The following AKAP13 variants were observed in gnomAD, a reference collection of about 807,000 sequenced individuals.
AKAP13 encodes the protein A-kinase anchor protein 13.
Under a neutral mutation model 264.5 loss-of-function variants are expected in AKAP13, and 80 were observed. That is an observed-to-expected ratio of 0.30 (90% CI 0.25 to 0.36). The LOEUF (loss-of-function observed/expected upper bound fraction) is 0.36. Ranked by LOEUF, AKAP13 falls within the 10% of genes least tolerant of loss-of-function variation. AKAP13 has a pLI of 1.00. For synonymous variants in AKAP13, 1,380 were observed against 1,250.2 expected, an observed-to-expected ratio of 1.10 and a Z score of -2.19; for missense variants, 3,712 against 3,435.2, an observed-to-expected ratio of 1.08 and a Z score of -2.01.
intron 6 of AKAP13, chr15:85,577,742 A>G (rs1359470914): frequency 1.1e-6 from 1 of 884,660 alleles, no homozygotes; most frequent in Non-Finnish European, 1.4e-6. Context: ...TATATTTAAT[A>G]TGTTCTGATT....
chr15:85,472,539 G>A (rs1192891255), intron 1 of AKAP13, among the ~76,000 whole-genome samples: 3 of 152,138 alleles, frequency 2.0e-5, no homozygotes, highest in Admixed American at 6.5e-5. Context: ...ATCTTGCTAC[G>A]TTGCCCAGGC....
At chr15:85,445,557 A>T (rs546816579) in intron 1 of AKAP13, among the ~76,000 whole-genome samples, 1 of 152,232 alleles carries the variant, frequency 6.6e-6, no homozygotes, top group East Asian at 1.9e-4. Flanking sequence ...AGTAGTTTAT[A>T]TGACAGCGTG....
intron 32 of AKAP13, 146 bp from the exon 33 acceptor site, chr15:85,735,944 A>T: frequency 1.3e-6 from 1 of 749,838 alleles, no homozygotes; most frequent in Non-Finnish European, 2.3e-6. Context: ...TATCAGTGAT[A>T]AATAGTTCAA....
chr15:85,730,355 T>C (rs2087914021), intron 29 of AKAP13, 158 bp from the exon 30 acceptor site: 1 of 211,126 alleles, frequency 4.7e-6, no homozygotes, highest in East Asian at 1.8e-4. Context: ...ACAGAAACAA[T>C]ATTGCTGTCT....
At chr15:85,431,336 C>T (rs1041687660) in intron 1 of AKAP13, among the ~76,000 whole-genome samples, 6 of 152,290 alleles carry the variant, frequency 3.9e-5, no homozygotes, top group African/African-American at 1.4e-4. Flanking sequence ...TACATTCATA[C>T]CTTAGCTCTT....
chr15:85,707,539 C>A (rs1039853596), intron 17 of AKAP13, among the ~76,000 whole-genome samples: 1 of 152,182 alleles, frequency 6.6e-6, no homozygotes, highest in African/African-American at 2.4e-5. Flanking sequence ...AATTTTGTAA[C>A]CCCTGTTAGG....
intron 17 of AKAP13, among the ~76,000 whole-genome samples, chr15:85,701,571 C>G (rs1360634659): frequency 6.6e-6 from 1 of 152,022 alleles, no homozygotes; most frequent in African/African-American, 2.4e-5. Context: ...TCCCAAGTAG[C>G]TGGGACTACA....
In AKAP13 at chr15:85,748,869, C is replaced by A. The variant is rs1030934366; in HGVS notation, c.*4192C>A. On this transcript the variant is annotated 3_prime_UTR_variant, in exon 37 of 37. Coordinates refer to ENST00000394518, the MANE Select transcript of AKAP13 (RefSeq NM_007200.5). The stretch of plus-strand genomic sequence containing the variant: ...TCCGGAGGGGCTTCTGCAGGAAGCA[C>A]TCACCCCCCACACCTTCCCCGGCCT... 6 of 152,538 alleles carry A rather than the reference C, an allele frequency of 3.9e-5. No homozygotes were observed. In the East Asian group the frequency reaches 1.2e-3, roughly 29 times the overall value. The allele number at this position is 152,538 out of a possible 1,614,324, so 9.4% of individuals were successfully genotyped here.
At chr15:85,396,675 G>T (rs994564621) in intron 1 of AKAP13, among the ~76,000 whole-genome samples, 2 of 152,080 alleles carry the variant, frequency 1.3e-5, no homozygotes, top group Non-Finnish European at 2.9e-5. Flanking sequence ...GTAAAACAAG[G>T]CACGATAGGT....
intron 2 of AKAP13, among the ~76,000 whole-genome samples, chr15:85,510,691 C>G (rs1376435431): frequency 6.6e-6 from 1 of 152,112 alleles, no homozygotes; most frequent in Non-Finnish European, 1.5e-5. Context: ...TTGTATCATC[C>G]TGAAAGGCTT....
intron 8 of AKAP13, among the ~76,000 whole-genome samples, chr15:85,631,353 G>GTAC (rs2081795062): frequency 6.6e-6 from 1 of 152,108 alleles, no homozygotes; most frequent in Non-Finnish European, 1.5e-5. Context: ...AAATTACATA[G>GTAC]TGGTGATGGT....
chr15:85,399,514 A>AAAAAT (rs2071296751), intron 1 of AKAP13, among the ~76,000 whole-genome samples: 27 of 104,970 alleles, frequency 2.6e-4, no homozygotes, highest in African/African-American at 1.2e-3. Flanking sequence ...AAAAAAAAAA[A>AAAAAT]AAAAAAAATA....
chr15:85,394,264 C>T (rs111495972), intron 1 of AKAP13, among the ~76,000 whole-genome samples: 1 of 152,160 alleles, frequency 6.6e-6, no homozygotes, highest in African/African-American at 2.4e-5. Context: ...AGCTTTCAGC[C>T]CAGTTTGGCT....
At chr15:85,717,521 T>A in intron 21 of AKAP13, 119 bp downstream of exon 21, 1 of 724,470 alleles carries the variant, frequency 1.4e-6, no homozygotes, top group South Asian at 1.7e-5. Flanking sequence ...CCGTGAAGAT[T>A]CTCTAAATTG....
At chr15:85,666,365 A>T (rs1014644305) in intron 13 of AKAP13, among the ~76,000 whole-genome samples, 6 of 151,304 alleles carry the variant, frequency 4.0e-5, no homozygotes, top group Non-Finnish European at 8.8e-5. Flanking sequence ...CCACTTTTTG[A>T]TGGAGTTTTT....
At chr15:85,700,174 C>T (rs904780847) in intron 17 of AKAP13, among the ~76,000 whole-genome samples, 2 of 152,158 alleles carry the variant, frequency 1.3e-5, no homozygotes, top group African/African-American at 4.8e-5. Flanking sequence ...TCTTTGTCTA[C>T]ATTAGACTAT....
chr15:85,655,939 C>T, intron 11 of AKAP13, 152 bp downstream of exon 11: 1 of 1,284,462 alleles, frequency 7.8e-7, no homozygotes, highest in Admixed American at 3.0e-5. Context: ...TGTGTTCAGA[C>T]CCCAGCTCCA....
chr15:85,701,328 T>C (rs887715255), intron 17 of AKAP13: 3 of 152,340 alleles, frequency 2.0e-5, no homozygotes, highest in South Asian at 2.1e-4. Context: ...CCTTTGCTAG[T>C]TGTTCTTTGA....
chr15:85,525,102 A>G (rs1468165154), intron 3 of AKAP13, among the ~76,000 whole-genome samples: 1 of 134,050 alleles, frequency 7.5e-6, no homozygotes, highest in Non-Finnish European at 1.5e-5. Flanking sequence ...TCTGTGGTCC[A>G]GGCTGGAGTG....
Sources: allele counts gnomAD v4.1 joint callset (sites outside exome capture counted in the v4.1 genomes callset), GRCh38; gene constraint gnomAD v4.1.1; transcripts MANE v1.5; gene names NCBI Gene and HGNC (gene_info 2026-07-23, HGNC 2026-07-21).